The following NEBL variants were observed in gnomAD, a reference collection of about 807,000 sequenced individuals.
NEBL encodes LIM and SH3 protein 2.
A neutral mutation model predicts 140.2 loss-of-function variants in NEBL; 122 were observed. The observed-to-expected ratio is 0.87, with a 90% CI of 0.75 to 1.01. The LOEUF is 1.01. NEBL is among the 50% of genes least tolerant of loss of function. The pLI is 0.00. For synonymous variants in NEBL, 436 were observed against 398.9 expected, an observed-to-expected ratio of 1.09 and a Z score of -1.11; for missense variants, 1,365 against 1,231.3, an observed-to-expected ratio of 1.11 and a Z score of -1.62.
At chr10:21,106,825 A>T (rs1305685749) in intron 2 of NEBL, among the ~76,000 whole-genome samples, 1 of 152,152 alleles carries the variant, frequency 6.6e-6, no homozygotes, top group Non-Finnish European at 1.5e-5. Flanking sequence ...TGAGCATGGA[A>T]AGTTCTTCCA....
At chr10:21,186,198 A>C (rs1019165742) in intron 3 of NEBL, among the ~76,000 whole-genome samples, 13 of 151,994 alleles carry the variant, frequency 8.6e-5, no homozygotes, top group Admixed American at 7.9e-4. Flanking sequence ...GATGTATTAA[A>C]TGTGAAATCA....
chr10:21,264,406 C>G (rs1001502715), intron 1 of NEBL, among the ~76,000 whole-genome samples: 1 of 152,192 alleles, frequency 6.6e-6, no homozygotes, highest in African/African-American at 2.4e-5. Context: ...CAGGAATGAA[C>G]TGGGTGGGCC....
chr10:21,177,566 G>A (rs1290661026), upstream of NEBL, among the ~76,000 whole-genome samples: 1 of 148,912 alleles, frequency 6.7e-6, no homozygotes, highest in Non-Finnish European at 1.5e-5. Flanking sequence ...GTCTCGCTCT[G>A]TCCCCCAGGC....
At chr10:20,901,300 T>G (rs1271078794), upstream of NEBL, among the ~76,000 whole-genome samples, 1 of 152,084 alleles carries the variant, frequency 6.6e-6, no homozygotes, top group Admixed American at 6.5e-5. Flanking sequence ...CCTTAGCAAC[T>G]GTCAGGTGGG....
chr10:20,858,413 T>C lies in NEBL; in HGVS notation c.799-69A>G, dbSNP rs990738669. The C allele has an allele frequency of 4.7e-6, 6 of 1,265,386 alleles. No homozygotes were observed. In the Admixed American group the frequency reaches 1.1e-4, roughly 23 times the overall value. 78.4% of individuals were successfully genotyped at this position (1,265,386 alleles called of 1,614,324 possible). A position where few individuals can be genotyped will look rare whatever the true frequency, so the allele number is the denominator to read the frequency against. ...ATATTATGCTTTTGCATTATTGCAT[T>C]TTTCATACATCATAAAGTAGGACTA... is the stretch of plus-strand genomic sequence containing the variant. On this transcript the variant is annotated intron_variant, in intron 8 of 27. Transcript: ENST00000377122.
chr10:20,842,337 G>A (rs1588756043), intron 12 of NEBL, among the ~76,000 whole-genome samples: 2 of 151,902 alleles, frequency 1.3e-5, no homozygotes, highest in South Asian at 4.1e-4. Flanking sequence ...TTTCCACCTT[G>A]GTGAAATGAA....
chr10:20,941,040 T>G (rs7392984), intron 4 of NEBL, among the ~76,000 whole-genome samples: 12,612 of 152,210 alleles, frequency 0.083, 575 homozygotes, highest in Middle Eastern at 0.12. Context: ...CTTCTGAAAC[T>G]ATTCCAATCA....
intron 8 of NEBL, 129 bp from the exon 9 acceptor site, chr10:20,858,473 G>A: frequency 2.6e-6 from 2 of 775,880 alleles, no homozygotes; most frequent in Non-Finnish European, 4.4e-6. Context: ...TTTACAAGGA[G>A]CCACTAGATG....
intron 3 of NEBL, among the ~76,000 whole-genome samples, chr10:21,193,409 G>A (rs1841605209): frequency 6.6e-6 from 1 of 152,154 alleles, no homozygotes; most frequent in Non-Finnish European, 1.5e-5. Context: ...ATGAGTTGGG[G>A]AAGCTTCAAA....
At chr10:21,152,425 G>A (rs1271252836) in intron 2 of NEBL, among the ~76,000 whole-genome samples, 1 of 152,102 alleles carries the variant, frequency 6.6e-6, no homozygotes, top group Non-Finnish European at 1.5e-5. Flanking sequence ...CAGGCTACAA[G>A]GACAATAGTA....
intron 17 of NEBL, 55 bp downstream of exon 17, chr10:20,828,475 T>A: frequency 8.2e-7 from 1 of 1,213,772 alleles, no homozygotes; most frequent in Non-Finnish European, 1.2e-6. Flanking sequence ...AAAAGACCAT[T>A]TCTTACAAAA....
intron 2 of NEBL, among the ~76,000 whole-genome samples, chr10:21,105,493 A>C (rs1009948314): frequency 1.3e-5 from 2 of 152,120 alleles, no homozygotes; most frequent in Admixed American, 1.3e-4. Context: ...AGCTTCATCC[A>C]TGTCCCTGCA....
intron 3 of NEBL, among the ~76,000 whole-genome samples, chr10:21,187,836 A>G (rs1841502102): frequency 6.6e-6 from 1 of 152,162 alleles, no homozygotes; most frequent in African/African-American, 2.4e-5. Context: ...GAAAAACAGA[A>G]TGCTCTGCTT....
chr10:21,284,852 G>T (rs1436069300), intron 1 of NEBL, among the ~76,000 whole-genome samples: 1 of 152,104 alleles, frequency 6.6e-6, no homozygotes, highest in Non-Finnish European at 1.5e-5. Flanking sequence ...TCTCACATTA[G>T]ATCATGATTT....
At chr10:21,068,006 T>C (rs115914225) in intron 2 of NEBL, among the ~76,000 whole-genome samples, 1,982 of 152,068 alleles carry the variant, frequency 0.013, 36 homozygotes, top group African/African-American at 0.045. Context: ...TACTTCCCTA[T>C]GAAGTAATAA....
chr10:20,871,679 T>C (rs574941000), intron 5 of NEBL, among the ~76,000 whole-genome samples: 9 of 152,328 alleles, frequency 5.9e-5, no homozygotes, highest in Admixed American at 4.6e-4. Flanking sequence ...AGAAAGAACA[T>C]CTGTTTTCTT....
chr10:20,997,471 TAAAAAAAAAAAAAAAAAAAAA>T (rs55712388), intron 3 of NEBL, among the ~76,000 whole-genome samples: 1,360 of 25,178 alleles, frequency 0.054, 37 homozygotes, highest in African/African-American at 0.1. Context: ...ACAGTCTCAG[TAAAAAAAAAAAAAAAAAAAAA>T]AAAAAAAAAA....
At chr10:20,809,729 T>C in intron 25 of NEBL, 77 bp downstream of exon 25, 3 of 1,171,600 alleles carry the variant, frequency 2.6e-6, no homozygotes, top group Non-Finnish European at 2.6e-6. Flanking sequence ...CACAGTACAA[T>C]GAACCTCTAC....
chr10:20,902,258 T>C (rs563182181), upstream of NEBL, among the ~76,000 whole-genome samples: 1 of 151,874 alleles, frequency 6.6e-6, no homozygotes, highest in Non-Finnish European at 1.5e-5. Context: ...TACAAAAAAT[T>C]AGCTGGGCAT....
Sources: allele counts gnomAD v4.1 joint callset (sites outside exome capture counted in the v4.1 genomes callset), GRCh38; gene constraint gnomAD v4.1.1; transcripts MANE v1.5; gene names NCBI Gene and HGNC (gene_info 2026-07-23, HGNC 2026-07-21).